Variants in HSPBP1 observed in about 807,000 individuals in gnomAD.
The protein encoded by HSPBP1 is hsp70-binding protein 1.
In HSPBP1, 31 loss-of-function variants were observed where a neutral mutation model predicts 41.7. The observed-to-expected ratio is 0.74, with a 90% CI of 0.56 to 1.00. The LOEUF is 1.00. HSPBP1 is among the 50% of genes least tolerant of loss of function. The pLI is 0.00. For missense variants in HSPBP1, 439 were observed against 487.9 expected, an observed-to-expected ratio of 0.90 and a Z score of 0.94; for synonymous variants, 199 against 214.4, an observed-to-expected ratio of 0.93 and a Z score of 0.63.
intron 4 of HSPBP1, 36 bp downstream of exon 4, chr19:55,274,362 C>CCCCCCCCCCAA: frequency 1.1e-6 from 1 of 944,594 alleles, no homozygotes; most frequent in Non-Finnish European, 1.5e-6. Context: ...CCCCCACCGC[C>CCCCCCCCCCAA]AGCACCCCTG....
At chr19:55,277,460 G>T (rs1330133387) in intron 3 of HSPBP1, among the ~76,000 whole-genome samples, 182 bp downstream of exon 3, 1 of 150,964 alleles carries the variant, frequency 6.6e-6, no homozygotes, top group Non-Finnish European at 1.5e-5. Flanking sequence ...GGAAGTGGGG[G>T]ACTCCACCTG....
At chr19:55,269,747 C>T (rs141209371) in intron 4 of HSPBP1, among the ~76,000 whole-genome samples, 1 of 152,252 alleles carries the variant, frequency 6.6e-6, no homozygotes, top group Non-Finnish European at 1.5e-5. Context: ...TGTAGGGCAG[C>T]GAGATTCCTC....
At chr19:55,273,859 G>A (rs2087988530) in intron 4 of HSPBP1, among the ~76,000 whole-genome samples, 1 of 152,104 alleles carries the variant, frequency 6.6e-6, no homozygotes, top group Non-Finnish European at 1.5e-5. Flanking sequence ...AGGATCCCTT[G>A]AGGCTAGGAG....
chr19:55,271,398 T>C (rs1262646367), intron 4 of HSPBP1, among the ~76,000 whole-genome samples: 1 of 151,974 alleles, frequency 6.6e-6, no homozygotes. Context: ...TAATGCAAGC[T>C]ATTAGAAGAA....
intron 7 of HSPBP1, 106 bp from the exon 8 acceptor site, chr19:55,262,788 A>G (rs528389969): frequency 5.1e-6 from 5 of 971,258 alleles, no homozygotes; most frequent in Non-Finnish European, 7.9e-6. Context: ...CCTGGCCACC[A>G]CCCACTCCCC....
Position 55,266,291 on chromosome 19 carries a change from GA to G in HSPBP1, c.641-6del, listed in dbSNP as rs2087773430. The G allele has an allele frequency of 1.3e-6, 2 of 1,567,758 alleles. No individual in the cohort carries two copies. The highest frequency in any genetic ancestry group is 1.7e-6 in the Non-Finnish European group (2 of 1,156,672). On this transcript the variant is annotated splice_polypyrimidine_tract_variant and splice_region_variant and intron_variant, in intron 4 of 7. Coordinates refer to ENST00000433386, the MANE Select transcript of HSPBP1 (RefSeq NM_012267.5). ...CCTCCTGCTCTCGGACCAGACCTGGGAGAGGGGGAAAGGTCCTGAGCTTGCA... is the reference window on the plus strand; with the variant it reads ...CCTCCTGCTCTCGGACCAGACCTGGGGAGGGGGAAAGGTCCTGAGCTTGCA...
At position 55,274,270 on chromosome 19, in the gene HSPBP1, T is replaced by C. The variant is rs1173007480; in HGVS notation, c.640+128A>G. The stretch of plus-strand genomic sequence containing the variant: ...CCCGCAGCACTCAGCCGTGCAGGGG[T>C]CCAACAAGCATGGGAACAAACGAGG... On this transcript the variant is annotated intron_variant, in intron 4 of 7. Transcript: ENST00000433386. 3 of 905,740 alleles carry C rather than the reference T, an allele frequency of 3.3e-6. No homozygotes were observed. The African/African-American group carries it at 5.0e-5, about 15-fold the overall frequency. 56.1% of individuals were successfully genotyped at this position (905,740 alleles called of 1,614,324 possible).
At chr19:55,263,713 C>T (rs1000434554) in intron 7 of HSPBP1, among the ~76,000 whole-genome samples, 1 of 152,078 alleles carries the variant, frequency 6.6e-6, no homozygotes, top group African/African-American at 2.4e-5. Context: ...TTTTGCATAA[C>T]ATAGAGAAAA....
Position 55,262,756 on chromosome 19 carries a change from C to T in HSPBP1, c.1006-74G>A. On this transcript the variant is annotated intron_variant, in intron 7 of 7. Coordinates refer to ENST00000433386, the MANE Select transcript of HSPBP1 (RefSeq NM_012267.5). ...ACCCTGCCTCCAGCATTCTTGGCAC[C>T]CAGAGGTGACTCCTCTTCTCTCCTG... is the stretch of plus-strand genomic sequence containing the variant. 2.2e-6 allele frequency: 3 copies of T among 1,394,136 alleles called. No homozygotes were observed. In the Admixed American group the frequency reaches 5.9e-5, roughly 27 times the overall value. The allele number at this position is 1,394,136 out of a possible 1,614,324, so 86.4% of individuals were successfully genotyped here.
At chr19:55,279,756 C>A in intron 1 of HSPBP1, 54 bp from the exon 2 acceptor site, 1 of 1,527,416 alleles carries the variant, frequency 6.5e-7, no homozygotes, top group Non-Finnish European at 8.8e-7. Context: ...TGACCCCAAA[C>A]CACTCTGCCC....
At chr19:55,265,205 T>C in intron 7 of HSPBP1, 73 bp downstream of exon 7, 1 of 490,824 alleles carries the variant, frequency 2.0e-6, no homozygotes, top group Non-Finnish European at 3.2e-6. Context: ...CCCACACACC[T>C]AGTCCTCCTG....
At chr19:55,263,394 CT>C (rs1413323331) in intron 7 of HSPBP1, among the ~76,000 whole-genome samples, 12 of 152,206 alleles carry the variant, frequency 7.9e-5, no homozygotes, top group African/African-American at 2.9e-4. Flanking sequence ...AATGGTTGAA[CT>C]TCTATGGAGA....
chr19:55,264,080 G>T (rs1016123433), intron 7 of HSPBP1, among the ~76,000 whole-genome samples: 4 of 150,288 alleles, frequency 2.7e-5, no homozygotes, highest in Non-Finnish European at 5.9e-5. Context: ...CGATTCTCCT[G>T]CCTCAGCCTC....
intron 3 of HSPBP1, among the ~76,000 whole-genome samples, chr19:55,276,757 C>T (rs1488070439): frequency 2.6e-5 from 4 of 151,968 alleles, no homozygotes; most frequent in South Asian, 2.1e-4. Context: ...TAGAGGGTGG[C>T]GGCTGCACTG....
At chr19:55,278,888 G>T (rs1383739408) in intron 2 of HSPBP1, among the ~76,000 whole-genome samples, 1 of 147,340 alleles carries the variant, frequency 6.8e-6, no homozygotes, top group Admixed American at 6.8e-5. Flanking sequence ...CACTCCAGCC[G>T]AGACTGTGTC....
chr19:55,277,549 T>G, intron 3 of HSPBP1, 93 bp downstream of exon 3: 1 of 1,296,148 alleles, frequency 7.7e-7, no homozygotes, highest in Non-Finnish European at 1.1e-6. Context: ...GCAGGGAGGC[T>G]GACGGTGTGA....
intron 3 of HSPBP1, among the ~76,000 whole-genome samples, chr19:55,276,883 G>A (rs1314262714): frequency 7.2e-5 from 11 of 152,118 alleles, no homozygotes. Context: ...CGTTTACTCT[G>A]TGCCTGGTGT....
At chr19:55,276,892 G>C (rs897732315) in intron 3 of HSPBP1, among the ~76,000 whole-genome samples, 1 of 152,132 alleles carries the variant, frequency 6.6e-6, no homozygotes, top group Non-Finnish European at 1.5e-5. Context: ...TGTGCCTGGT[G>C]TTGTGCGGGC....
rs1409855049 is a variant in HSPBP1, at chr19:55,265,366, C to A, written c.917G>T (p.Gly306Val). The change falls in exon 7 of 8, where the codon GGT becomes GTT. Residue 306 changes from glycine (G) to valine (V), a missense_variant. Gly to Val is a moderately radical substitution (Grantham distance 109, BLOSUM62 -3). Transcript: ENST00000433386. The part of the protein sequence containing the change: ...LCSLVTDFPQ[G>V]VRECREPELG... The stretch of plus-strand genomic sequence containing the variant: ...TTCCGGCTCCCGACACTCGCGCACA[C>A]CCTGCGGAAAGTCTGTCACCAGGCT... 6.2e-7 allele frequency: 1 copy of A among 1,613,460 alleles called. No individual in the cohort carries two copies. Among genetic ancestry groups the A allele is most frequent in the African/African-American group, 1.3e-5 (1 of 74,986 alleles).
Sources: allele counts gnomAD v4.1 joint callset (sites outside exome capture counted in the v4.1 genomes callset), GRCh38; gene constraint gnomAD v4.1.1; transcripts MANE v1.5; gene names NCBI Gene and HGNC (gene_info 2026-07-23, HGNC 2026-07-21).